Variants in FHIT observed in about 807,000 individuals in gnomAD.
FHIT encodes the protein fragile histidine triad diadenosine triphosphatase, also known as bis(5'-adenosyl)-triphosphatase.
In FHIT, 19 loss-of-function variants were observed where a neutral mutation model predicts 17.9. The observed-to-expected ratio is 1.06, with a 90% confidence interval of 0.74 to 1.56. FHIT has a LOEUF of 1.56. FHIT is among the 40% of genes most tolerant of loss of function. The pLI, the probability that FHIT is intolerant of heterozygous loss-of-function variation, is 0.00. For missense variants in FHIT, 248 were observed against 189.2 expected (o/e 1.31, Z -1.82); for synonymous variants, 81 against 69.7 (o/e 1.16, Z -0.81).
At chr3:60,462,878 A>G (rs1016507361) in intron 5 of FHIT, among the ~76,000 whole-genome samples, 6 of 152,204 alleles carry the variant, frequency 3.9e-5, no homozygotes, top group South Asian at 2.1e-4. Context: ...AGTCCTCCCA[A>G]TAGGCAGGCC....
intron 8 of FHIT, among the ~76,000 whole-genome samples, chr3:59,771,037 G>A (rs1387583124): frequency 6.6e-6 from 1 of 152,194 alleles, no homozygotes; most frequent in African/African-American, 2.4e-5. Context: ...TAAAATGACT[G>A]CTTGAAATAC....
chr3:60,722,176 A>C (rs1382465998), intron 4 of FHIT, among the ~76,000 whole-genome samples: 1 of 152,214 alleles, frequency 6.6e-6, no homozygotes, highest in Non-Finnish European at 1.5e-5. Context: ...CTCCAGAGTC[A>C]ATGACTGAGC....
intron 2 of FHIT, among the ~76,000 whole-genome samples, chr3:61,179,627 G>A (rs1192187060): frequency 6.9e-6 from 1 of 144,676 alleles, no homozygotes; most frequent in Non-Finnish European, 1.5e-5. Context: ...AGGATCACCT[G>A]AGCCCAGGAA....
At chr3:60,395,916 C>T (rs1028150813) in intron 5 of FHIT, among the ~76,000 whole-genome samples, 1 of 152,100 alleles carries the variant, frequency 6.6e-6, no homozygotes. Flanking sequence ...AGATTCCATC[C>T]TTAAAAAGAC....
chr3:60,882,720 T>C (rs1553758286), intron 3 of FHIT, among the ~76,000 whole-genome samples: 1 of 152,042 alleles, frequency 6.6e-6, no homozygotes, highest in Non-Finnish European at 1.5e-5. Context: ...CACCTCAACA[T>C]AGTGAAGGCC....
intron 7 of FHIT, among the ~76,000 whole-genome samples, chr3:59,973,750 G>C (rs1035301827): frequency 3.9e-5 from 6 of 152,068 alleles, no homozygotes; most frequent in Non-Finnish European, 8.8e-5. Flanking sequence ...AATATTTGCT[G>C]ATTGAAGTTA....
chr3:59,764,138 A>G (rs1435898136), intron 8 of FHIT, among the ~76,000 whole-genome samples: 1 of 152,132 alleles, frequency 6.6e-6, no homozygotes, highest in East Asian at 1.9e-4. Flanking sequence ...ACACACCCTA[A>G]CATCAGCCCT....
chr3:60,161,228 G>C (rs1576227139), intron 5 of FHIT, among the ~76,000 whole-genome samples: 1 of 152,196 alleles, frequency 6.6e-6, no homozygotes, highest in Admixed American at 6.5e-5. Flanking sequence ...ATTGCCAACT[G>C]CGTTGTCCCT....
chr3:60,069,484 C>T (rs914185013), intron 5 of FHIT, among the ~76,000 whole-genome samples: 6 of 152,146 alleles, frequency 3.9e-5, no homozygotes, highest in Admixed American at 2.6e-4. Flanking sequence ...TAAAACACTG[C>T]TCCAGGGGCT....
chr3:59,837,284 G>T (rs4679617), intron 8 of FHIT, among the ~76,000 whole-genome samples: 63,490 of 151,986 alleles, frequency 0.42, 14,588 homozygotes, highest in Middle Eastern at 0.55. Flanking sequence ...CGGATGTTCA[G>T]GTCGCTGATA....
intron 7 of FHIT, among the ~76,000 whole-genome samples, chr3:59,962,396 A>G (rs147691784): frequency 1.3e-5 from 2 of 152,266 alleles, no homozygotes; most frequent in Non-Finnish European, 2.9e-5. Context: ...CAATCTATTT[A>G]CAATAAACCT....
intron 4 of FHIT, among the ~76,000 whole-genome samples, chr3:60,621,177 C>G (rs373759421): frequency 1.7e-4 from 20 of 120,040 alleles, no homozygotes; most frequent in African/African-American, 6.6e-4. Context: ...GAGATGGAGT[C>G]TCACATGGTC....
chr3:59,785,956 G>T (rs112049875), intron 8 of FHIT, among the ~76,000 whole-genome samples: 7 of 152,204 alleles, frequency 4.6e-5, no homozygotes, highest in Non-Finnish European at 1.0e-4. Flanking sequence ...ACCCCGCTTA[G>T]AGGATCTGTC....
chr3:59,798,032 G>T (rs1699847984), intron 8 of FHIT, among the ~76,000 whole-genome samples: 1 of 152,104 alleles, frequency 6.6e-6, no homozygotes, highest in Non-Finnish European at 1.5e-5. Flanking sequence ...CAAAGAGGCT[G>T]CCCATTTGTG....
chr3:60,967,317 C>A (rs1386802363), intron 3 of FHIT, among the ~76,000 whole-genome samples: 1 of 152,150 alleles, frequency 6.6e-6, no homozygotes, highest in African/African-American at 2.4e-5. Context: ...TTCCCAAAAT[C>A]ATTGCTTGAT....
At position 60,138,660 on chromosome 3, in the gene FHIT, T is replaced by C. The variant is rs555173009; in HGVS notation, c.104-124508A>G. ...GAGACTGAGTCTCAGTAGAGGTAAG[T>C]TTGTTTTTCAGGCAGGGTTGAGCTT... On this transcript the variant is annotated intron_variant, in intron 5 of 9. Coordinates refer to ENST00000492590, the MANE Select transcript of FHIT (RefSeq NM_002012.4). Among the ~76,000 whole-genome samples, 3 of 152,116 alleles carry C rather than the reference T, an allele frequency of 2.0e-5. No homozygotes were observed. The South Asian group carries it at 6.2e-4, about 32-fold the overall frequency.
At chr3:60,550,355 G>C (rs1305612057) in intron 4 of FHIT, among the ~76,000 whole-genome samples, 2 of 152,144 alleles carry the variant, frequency 1.3e-5, no homozygotes, top group East Asian at 3.8e-4. Context: ...AGTGAACAAA[G>C]AGAAAGAGAA....
At chr3:60,233,971 G>A (rs368137537) in intron 5 of FHIT, among the ~76,000 whole-genome samples, 7 of 152,044 alleles carry the variant, frequency 4.6e-5, no homozygotes, top group African/African-American at 7.2e-5. Context: ...TACAAATTAC[G>A]TCTCAGGTAC....
chr3:60,155,702 T>C (rs889374617), intron 5 of FHIT, among the ~76,000 whole-genome samples: 5 of 152,174 alleles, frequency 3.3e-5, no homozygotes, highest in Non-Finnish European at 7.4e-5. Context: ...TTTTCTGACA[T>C]TCATTTACTG....
Sources: gnomAD v4.1 joint callset for allele counts (sites outside exome capture counted in the v4.1 genomes callset) on GRCh38, gnomAD v4.1.1 for gene constraint, MANE v1.5 for transcripts, NCBI Gene and HGNC (gene_info 2026-07-23, HGNC 2026-07-21) for gene names.